Variants in PAK1IP1 observed in about 807,000 individuals in gnomAD.
The protein encoded by PAK1IP1 is PAK1 interacting protein 1, also known as p21-activated protein kinase-interacting protein 1.
PAK1IP1 carries 24 observed loss-of-function variants against 42.0 expected under a neutral mutation model. The observed-to-expected ratio is 0.57, with a 90% CI of 0.41 to 0.80. The LOEUF is 0.80. PAK1IP1 is among the 30% of genes least tolerant of loss of function. The pLI is 0.00. For missense variants in PAK1IP1, 411 were observed against 467.9 expected, an observed-to-expected ratio of 0.88 and a Z score of 1.12; for synonymous variants, 154 against 156.7, an observed-to-expected ratio of 0.98 and a Z score of 0.13.
At chr6:10,692,179 G>C (rs1195539797), upstream of PAK1IP1, among the ~76,000 whole-genome samples, 1 of 152,132 alleles carries the variant, frequency 6.6e-6, no homozygotes, top group Non-Finnish European at 1.5e-5. Context: ...TTGTGGATGA[G>C]GGTGTAACAC....
upstream of PAK1IP1, chr6:10,694,623 ACCTCC>A: frequency 1.4e-4 from 27 of 189,546 alleles, no homozygotes; most frequent in South Asian, 6.4e-4. Flanking sequence ...AGTCGGCCCC[ACCTCC>A]TCCTGATGTC....
At chr6:10,693,935 C>T (rs529664020), upstream of PAK1IP1, among the ~76,000 whole-genome samples, 22 of 152,248 alleles carry the variant, frequency 1.4e-4, no homozygotes, top group South Asian at 4.4e-3. Context: ...AAATATGTTG[C>T]TCAGGCTCAC....
At chr6:10,696,669 G>A (rs7769462) in intron 1 of PAK1IP1, among the ~76,000 whole-genome samples, 12,312 of 152,190 alleles carry the variant, frequency 0.081, 1,486 homozygotes, top group African/African-American at 0.26. Flanking sequence ...TCCACTGGGC[G>A]CGGTGGCTCA....
Position 10,709,691 on chromosome 6 carries a change from G to A in PAK1IP1, c.*239G>A, listed in dbSNP as rs962816384. On this transcript the variant is annotated 3_prime_UTR_variant, in exon 10 of 10. Transcript: ENST00000379568. The stretch of plus-strand genomic sequence containing the variant: ...ATGTTGATATATAATATGTTAATGT[G>A]TCATGTAATTTTTACTTTGTACAAA... 4 of 256,250 alleles carry A rather than the reference G, an allele frequency of 1.6e-5. No homozygotes were observed. The highest frequency in any genetic ancestry group is 7.0e-5 in the East Asian group (1 of 14,202). 15.9% of individuals were successfully genotyped at this position (256,250 alleles called of 1,614,324 possible). A position where few individuals can be genotyped will look rare whatever the true frequency, so the allele number is the denominator to read the frequency against.
At chr6:10,693,503 A>G (rs1034530691), upstream of PAK1IP1, among the ~76,000 whole-genome samples, 1 of 152,228 alleles carries the variant, frequency 6.6e-6, no homozygotes, top group African/African-American at 2.4e-5. Flanking sequence ...AATTCAGAAC[A>G]CCAGAGAAGA....
chr6:10,700,675 T>A (rs1770000174), intron 2 of PAK1IP1, among the ~76,000 whole-genome samples: 1 of 152,186 alleles, frequency 6.6e-6, no homozygotes, highest in African/African-American at 2.4e-5. Context: ...TAAGTTAAAT[T>A]TGATCTGCCC....
intron 8 of PAK1IP1, 26 bp downstream of exon 8, chr6:10,707,540 G>C: frequency 7.5e-7 from 1 of 1,328,550 alleles, no homozygotes; most frequent in Non-Finnish European, 1.1e-6. Flanking sequence ...CAATCTAAAT[G>C]TACTTTAATA....
At chr6:10,704,083 C>T (rs1341397992) in intron 5 of PAK1IP1, among the ~76,000 whole-genome samples, 2 of 151,924 alleles carry the variant, frequency 1.3e-5, no homozygotes, top group South Asian at 2.1e-4. Flanking sequence ...AGTGCAGTGG[C>T]GCTATCTCAG....
chr6:10,708,179 C>T (rs867253138), intron 8 of PAK1IP1, among the ~76,000 whole-genome samples: 4 of 133,324 alleles, frequency 3.0e-5, no homozygotes, highest in Middle Eastern at 8.5e-3. Context: ...TTAGCAGTCA[C>T]CCCCCATCCT....
At chr6:10,706,024 G>T (rs908977255) in intron 7 of PAK1IP1, among the ~76,000 whole-genome samples, 3 of 152,118 alleles carry the variant, frequency 2.0e-5, no homozygotes, top group African/African-American at 7.2e-5. Flanking sequence ...AATACTACAC[G>T]AAGTATTTAA....
chr6:10,698,895 A>G (rs73436186), intron 2 of PAK1IP1, among the ~76,000 whole-genome samples: 12,300 of 152,220 alleles, frequency 0.081, 1,479 homozygotes, highest in African/African-American at 0.26. Flanking sequence ...TAGGTTGTCA[A>G]CATAGAGAAA....
chr6:10,704,609 C>T lies in PAK1IP1; in HGVS notation c.599C>T (p.Thr200Ile), dbSNP rs754597395. The T allele has an allele frequency of 3.1e-6, 5 of 1,608,316 alleles. No homozygotes were observed. Among genetic ancestry groups the T allele is most frequent in the African/African-American group, 1.3e-5 (1 of 74,828 alleles). ...YQLDTASISG[T>I]ITNEKRISSV... Reference sequence around the variant, plus strand: ...CTTGACACTGCATCCATTAGTGGCACCATCACAAATGAAAAGAGAATTTCC... The same window carrying T: ...CTTGACACTGCATCCATTAGTGGCATCATCACAAATGAAAAGAGAATTTCC... The change falls in exon 6 of 10, where the codon ACC becomes ATC. Residue 200 changes from threonine (T) to isoleucine (I), a missense_variant. Coordinates refer to ENST00000379568, the MANE Select transcript of PAK1IP1 (RefSeq NM_017906.3).
Position 10,695,085 on chromosome 6 carries a change from GT to G in PAK1IP1, c.84+18del. ...CGACCACGAGGTGAGATACCGCGTA[GT>G]TAGAGACAGTCGGAGGCGGGGCCGG... On this transcript the variant is annotated intron_variant, in intron 1 of 9. Transcript: ENST00000379568. 1 of 1,549,304 alleles carries G rather than the reference GT, an allele frequency of 6.5e-7. No homozygotes were observed. The highest frequency in any genetic ancestry group is 8.8e-7 in the Non-Finnish European group (1 of 1,132,736).
At chr6:10,698,717 C>T (rs963437308) in intron 2 of PAK1IP1, among the ~76,000 whole-genome samples, 3 of 152,142 alleles carry the variant, frequency 2.0e-5, no homozygotes, top group African/African-American at 4.8e-5. Flanking sequence ...GAAGGCCTGC[C>T]CCATTGGAAT....
In PAK1IP1 at chr6:10,709,406, TG is replaced by T; in HGVS notation, c.1134del (p.Met378IlefsTer11). On this transcript the variant is annotated frameshift_variant, in exon 10 of 10. Coordinates refer to ENST00000379568, the MANE Select transcript of PAK1IP1 (RefSeq NM_017906.3). LOFTEE classifies it low-confidence loss of function (END_TRUNC). ...ACCAAGAAGAGGAAAATGGTAGAAA[TG>T]TTGGAAAAGAAGAGGAAAAAGAAGA... ...ISTKKRKMVEMLEKKRKKKKI... is the reference protein window; with the variant it reads ...ISTKKRKMVEXLEKKRKKKKI... 3 of 1,612,612 alleles carry T rather than the reference TG, an allele frequency of 1.9e-6. No individual in the cohort carries two copies. The highest frequency in any genetic ancestry group is 2.5e-6 in the Non-Finnish European group (3 of 1,179,574).
intron 7 of PAK1IP1, among the ~76,000 whole-genome samples, chr6:10,706,094 T>C (rs1770196445): frequency 6.6e-6 from 1 of 152,008 alleles, no homozygotes; most frequent in Admixed American, 6.5e-5. Flanking sequence ...AAGGAGGCAA[T>C]AGATTATAAG....
chr6:10,697,490 A>G lies in PAK1IP1; in HGVS notation c.247+4A>G. 1 of 1,603,434 alleles carries G rather than the reference A, an allele frequency of 6.2e-7. No homozygotes were observed. The highest frequency in any genetic ancestry group is 8.5e-7 in the Non-Finnish European group (1 of 1,171,116). Reference sequence around the variant, plus strand: ...GGGGCTCTAGTGCATCACAGTGGTAAGAAAATTGTATCCCTTAAGATGAGA... The same window carrying G: ...GGGGCTCTAGTGCATCACAGTGGTAGGAAAATTGTATCCCTTAAGATGAGA... On this transcript the variant is annotated splice_donor_region_variant and intron_variant, in intron 2 of 9. Transcript: ENST00000379568.
chr6:10,691,091 T>C (rs1416934695), upstream of PAK1IP1, among the ~76,000 whole-genome samples: 1 of 152,224 alleles, frequency 6.6e-6, no homozygotes, highest in Non-Finnish European at 1.5e-5. Context: ...CTGTGTGTTC[T>C]TGAAAAAGTC....
chr6:10,697,437 T>G lies in PAK1IP1; in HGVS notation c.198T>G (p.Ile66Met). Residue 66 changes from isoleucine (I) to methionine (M), a missense_variant, in exon 2 of 10, where the codon ATT becomes ATG. By Grantham distance (10) the Ile-to-Met change is conservative (BLOSUM62 1). Transcript: ENST00000379568. ...GGAGCAAAGATGAAACAATTCACATTTATGACATGAAAAAGAAGATTGAGC... is the reference window on the plus strand; with the variant it reads ...GGAGCAAAGATGAAACAATTCACATGTATGACATGAAAAAGAAGATTGAGC... ...VTGSKDETIH[I>M]YDMKKKIEHG... The G allele has an allele frequency of 6.2e-7, 1 of 1,614,058 alleles. No individual in the cohort carries two copies. Among genetic ancestry groups the G allele is most frequent in the Non-Finnish European group, 8.5e-7 (1 of 1,179,956 alleles).
Sources: gnomAD v4.1 joint callset for allele counts (sites outside exome capture counted in the v4.1 genomes callset) on GRCh38, gnomAD v4.1.1 for gene constraint, MANE v1.5 for transcripts, NCBI Gene and HGNC (gene_info 2026-07-23, HGNC 2026-07-21) for gene names.